Variants in NDE1 observed in about 807,000 individuals in gnomAD.
NDE1 encodes nudE neurodevelopment protein 1, also known as nuclear distribution protein nudE homolog 1.
In NDE1, 28 loss-of-function variants were observed where a neutral mutation model predicts 43.4. The observed-to-expected ratio is 0.65, with a 90% confidence interval of 0.48 to 0.89. The LOEUF is 0.89. Ranked by LOEUF, NDE1 falls within the 40% of genes least tolerant of loss-of-function variation. The pLI is 0.00. For missense variants in NDE1, 441 were observed against 434.1 expected, an observed-to-expected ratio of 1.02 and a Z score of -0.14; for synonymous variants, 184 against 172.0, an observed-to-expected ratio of 1.07 and a Z score of -0.55.
At chr16:15,648,185 T>C (rs1422150788), upstream of NDE1, among the ~76,000 whole-genome samples, 2 of 152,168 alleles carry the variant, frequency 1.3e-5, no homozygotes, top group Admixed American at 1.3e-4. Flanking sequence ...GTCCATGACC[T>C]CAAGCATTTA....
intron 8 of NDE1, chr16:15,718,529 CTCA>C (rs2040294009): frequency 6.7e-7 from 1 of 1,487,674 alleles, no homozygotes; most frequent in Non-Finnish European, 9.0e-7. Flanking sequence ...GGGTATTGCC[CTCA>C]TCATCTAATG....
At chr16:15,719,021 A>G (rs2151202791) in intron 8 of NDE1, 1 of 632,702 alleles carries the variant, frequency 1.6e-6, no homozygotes, top group Non-Finnish European at 2.9e-6. Flanking sequence ...TCAGCTACTC[A>G]GAAGGCTGAG....
Position 15,664,741 on chromosome 16 carries a change from A to C in NDE1, c.-38A>C. On this transcript the variant is annotated 5_prime_UTR_variant, in exon 2 of 9. An upstream start codon of the reference 5' UTR is lost. Coordinates refer to ENST00000396354, the MANE Select transcript of NDE1 (RefSeq NM_017668.3). ...TTTGAAACCTTCTCTCCTAGACACC[A>C]TGCCACAAGGAGAGTGATCTCTTCC... The C allele has an allele frequency of 6.9e-7, 1 of 1,458,704 alleles. No homozygotes were observed. The highest frequency in any genetic ancestry group is 1.1e-5 in the South Asian group (1 of 87,724). The allele number at this position is 1,458,704 out of a possible 1,614,324, so 90.4% of individuals were successfully genotyped here.
chr16:15,667,634 T>TTG (rs1555538031), intron 3 of NDE1, among the ~76,000 whole-genome samples, 195 bp downstream of exon 3: 4 of 133,244 alleles, frequency 3.0e-5, no homozygotes, highest in East Asian at 4.0e-4. Flanking sequence ...TTTGTTTTGT[T>TTG]TTTTTTTTTT....
intron 8 of NDE1, chr16:15,702,057 T>G (rs2039238379): frequency 6.6e-6 from 1 of 152,204 alleles, no homozygotes; most frequent in African/African-American, 2.4e-5. Flanking sequence ...AAGCCAGGTT[T>G]TTAGAAATGT....
At chr16:15,708,711 G>GT (rs1874245265) in intron 8 of NDE1, 11 of 1,347,294 alleles carry the variant, frequency 8.2e-6, no homozygotes, top group African/African-American at 1.4e-5. Flanking sequence ...ATGTGCAAGG[G>GT]TTTAAAAATT....
intron 8 of NDE1, among the ~76,000 whole-genome samples, chr16:15,705,984 C>CAAAAAAAAAAAA (rs57451847): frequency 0.013 from 745 of 56,682 alleles, 107 homozygotes; most frequent in African/African-American, 0.029. Flanking sequence ...GACTCCGTCT[C>CAAAAAAAAAAAA]AAAAAAAAAA....
intron 7 of NDE1, chr16:15,694,905 C>T (rs2038936930): frequency 1.0e-6 from 1 of 985,114 alleles, no homozygotes; most frequent in Admixed American, 6.2e-5. Context: ...TGGCCGGGTG[C>T]TCATACCTGT....
chr16:15,692,025 A>G (rs1045213234), intron 6 of NDE1, among the ~76,000 whole-genome samples: 1 of 151,010 alleles, frequency 6.6e-6, no homozygotes, highest in African/African-American at 2.4e-5. Context: ...TTAGTAATAC[A>G]TCCACCGAGA....
intron 5 of NDE1, among the ~76,000 whole-genome samples, chr16:15,690,907 A>G (rs1247842070): frequency 6.6e-6 from 1 of 152,168 alleles, no homozygotes; most frequent in African/African-American, 2.4e-5. Context: ...TCCCAGGTTC[A>G]AATGATTCTC....
chr16:15,718,404 C>A lies in NDE1; in HGVS notation c.948-5787C>A. On this transcript the variant is annotated intron_variant, in intron 8 of 8. Transcript: ENST00000396354. Reference sequence around the variant, plus strand: ...TCCTCCTCCAGCTGGGCGATCCGGGCCTCCAGGCGGCGCTTCTCGTCCTGG... The same window carrying A: ...TCCTCCTCCAGCTGGGCGATCCGGGACTCCAGGCGGCGCTTCTCGTCCTGG... 6.3e-7 allele frequency: 1 copy of A among 1,593,074 alleles called. No individual in the cohort carries two copies. Among genetic ancestry groups the A allele is most frequent in the East Asian group, 2.2e-5 (1 of 44,582 alleles).
intron 8 of NDE1, among the ~76,000 whole-genome samples, chr16:15,709,927 A>AG (rs2039683256): frequency 6.6e-6 from 1 of 152,130 alleles, no homozygotes; most frequent in Non-Finnish European, 1.5e-5. Context: ...GTCTGGCTTT[A>AG]GAGAGGGCTT....
chr16:15,673,926 C>T (rs1264947898), intron 3 of NDE1, among the ~76,000 whole-genome samples: 1 of 152,116 alleles, frequency 6.6e-6, no homozygotes, highest in Non-Finnish European at 1.5e-5. Context: ...TGCTTAAGGA[C>T]ACCTGCTCAG....
intron 8 of NDE1, chr16:15,717,523 G>C (rs528318514): frequency 3.0e-6 from 2 of 657,218 alleles, no homozygotes; most frequent in East Asian, 5.5e-5. Context: ...GGCCGGGCGT[G>C]GTGGCGCACG....
In NDE1 at chr16:15,672,051, G is replaced by A. The variant is rs1304716410; in HGVS notation, c.237+4612G>A. Reference sequence around the variant, plus strand: ...AAGCTGGGTAGGAGGAAGATTAGTGGTATGAACTGCAGTTTGGAGAGGATA... The same window carrying A: ...AAGCTGGGTAGGAGGAAGATTAGTGATATGAACTGCAGTTTGGAGAGGATA... On this transcript the variant is annotated intron_variant, in intron 3 of 8. Transcript: ENST00000396354. Among the ~76,000 whole-genome samples the A allele has an allele frequency of 2.0e-5, 3 of 152,020 alleles. No individual in the cohort carries two copies. The East Asian group carries it at 5.8e-4, about 29-fold the overall frequency.
chr16:15,703,416 C>T (rs1221672102), intron 8 of NDE1: 1 of 239,330 alleles, frequency 4.2e-6, no homozygotes. Context: ...CTCCCCATTT[C>T]ATGTAAACAG....
At chr16:15,717,480 A>C in intron 8 of NDE1, 1 of 895,582 alleles carries the variant, frequency 1.1e-6, no homozygotes, top group Non-Finnish European at 1.7e-6. Context: ...CCTCTCCTTC[A>C]TCCTGTAAAA....
chr16:15,714,659 G>C (rs962585522), intron 8 of NDE1: 3 of 591,282 alleles, frequency 5.1e-6, no homozygotes, highest in Non-Finnish European at 9.1e-6. Context: ...TCAGCCGGAG[G>C]ACCGGATGGG....
rs200281724 is a variant in NDE1, at chr16:15,694,271, T to G, written c.795+15T>G. On this transcript the variant is annotated intron_variant, in intron 7 of 8. Coordinates refer to ENST00000396354, the MANE Select transcript of NDE1 (RefSeq NM_017668.3). ...GGAAAGTCGGGGTAAGACCACACTT[T>G]CCTGGCGTTTGGTGCCTTCCTGCCT... The G allele has an allele frequency of 6.2e-7, 1 of 1,611,640 alleles. No individual in the cohort carries two copies. Among genetic ancestry groups the G allele is most frequent in the East Asian group, 2.2e-5 (1 of 44,682 alleles).
Sources: allele counts gnomAD v4.1 joint callset (sites outside exome capture counted in the v4.1 genomes callset), GRCh38; gene constraint gnomAD v4.1.1; transcripts MANE v1.5; gene names NCBI Gene and HGNC (gene_info 2026-07-23, HGNC 2026-07-21).